Variants in KCNQ2 observed in about 807,000 individuals in gnomAD.
KCNQ2 encodes the protein potassium voltage-gated channel subfamily Q member 2, also known as potassium voltage-gated channel subfamily KQT member 2.
A neutral mutation model predicts 84.8 loss-of-function variants in KCNQ2; 14 were observed. The observed-to-expected ratio is 0.17, with a 90% CI of 0.11 to 0.26. The LOEUF is 0.26. Among genes scored for constraint, KCNQ2 ranks in the 10% least tolerant of loss-of-function variants. The pLI, the probability that KCNQ2 is intolerant of heterozygous loss-of-function variation, is 1.00. For synonymous variants in KCNQ2, 599 were observed against 554.1 expected (o/e 1.08, Z -1.14); for missense variants, 788 against 1,254.0 (o/e 0.63, Z 5.61).
chr20:63,467,634 G>A (rs1255602870), intron 1 of KCNQ2, among the ~76,000 whole-genome samples: 2 of 152,208 alleles, frequency 1.3e-5, no homozygotes, highest in African/African-American at 4.8e-5. Context: ...AGGAGCACAG[G>A]GACTAACGGA....
At chr20:63,428,723 G>A (rs763742989) in intron 9 of KCNQ2, among the ~76,000 whole-genome samples, 27 of 152,232 alleles carry the variant, frequency 1.8e-4, no homozygotes, top group African/African-American at 4.3e-4. Flanking sequence ...ATGCAGCCCC[G>A]ACCCTGCAGC....
At position 63,445,194 on chromosome 20, in the gene KCNQ2, T is replaced by G. The variant is rs776396256; in HGVS notation, c.514+44A>C. ...CCCCAGGGCTGAGTCCGTCCCTGGG[T>G]GCCTGGCCCTGATTCTAGCAATACC... On this transcript the variant is annotated intron_variant, in intron 3 of 16. Transcript: ENST00000359125. 3 of 1,613,332 alleles carry G rather than the reference T, an allele frequency of 1.9e-6. No homozygotes were observed. In the African/African-American group the frequency reaches 4.0e-5, roughly 22 times the overall value.
At chr20:63,442,083 T>C (rs1418952119) in intron 5 of KCNQ2, among the ~76,000 whole-genome samples, 1 of 152,138 alleles carries the variant, frequency 6.6e-6, no homozygotes, top group African/African-American at 2.4e-5. Context: ...TCTTCTCCCC[T>C]TTCCCCCAAT....
chr20:63,408,389 C>A lies in KCNQ2; in HGVS notation c.1887+24G>T, dbSNP rs778381121. The A allele has an allele frequency of 6.2e-6, 10 of 1,604,100 alleles. No individual in the cohort carries two copies. In the South Asian group the frequency reaches 1.1e-4, roughly 18 times the overall value. On this transcript the variant is annotated intron_variant, in intron 16 of 16. Transcript: ENST00000359125. This position sits in a 1 kb window ranked among gnomAD's most constrained non-coding sequence, Gnocchi z 5.0. ...GGCACCACAGCCCTCCAGCCCCGCA[C>A]CCCTCCCGCCCAGCCTCTCGCACCT...
At chr20:63,471,426 CAGGGCTGGGGGTCCCAGGT>C (rs887972113) in intron 1 of KCNQ2, among the ~76,000 whole-genome samples, 7 of 152,242 alleles carry the variant, frequency 4.6e-5, no homozygotes, top group Non-Finnish European at 8.8e-5. Flanking sequence ...CTTCCAGGCC[CAGGGCTGGGGGTCCCAGGT>C]CTGCCGCAGC....
intron 8 of KCNQ2, 138 bp from the exon 9 acceptor site, chr20:63,431,507 G>GGACAGAACCAGCCC: frequency 3.2e-6 from 3 of 950,074 alleles, no homozygotes; most frequent in Non-Finnish European, 5.1e-6. Flanking sequence ...ACAAGGGCTG[G>GGACAGAACCAGCCC]TTCTGTCCCT....
chr20:63,442,003 A>G (rs570405416), intron 5 of KCNQ2, among the ~76,000 whole-genome samples: 2 of 152,122 alleles, frequency 1.3e-5, no homozygotes, highest in Non-Finnish European at 2.9e-5. Context: ...ACCTGATCAG[A>G]GTGGGGCCTG....
chr20:63,427,896 G>A (rs6062448), intron 10 of KCNQ2, among the ~76,000 whole-genome samples: 32,210 of 152,170 alleles, frequency 0.21, 4,116 homozygotes, highest in Non-Finnish European at 0.3. Context: ...GGCAGGCCTG[G>A]CAGGTGCATT....
intron 5 of KCNQ2, among the ~76,000 whole-genome samples, chr20:63,441,419 C>T (rs1208793397): frequency 5.9e-5 from 9 of 152,148 alleles, no homozygotes; most frequent in Non-Finnish European, 1.0e-4. Flanking sequence ...GAGGGCACCG[C>T]GGCCACAGAG....
intron 4 of KCNQ2, among the ~76,000 whole-genome samples, chr20:63,443,367 TCATC>T (rs2081305633): frequency 4.9e-5 from 1 of 20,232 alleles, no homozygotes; most frequent in Non-Finnish European, 1.2e-4. Context: ...ACCATCACCA[TCATC>T]ACCACCATCA....
At position 63,439,625 on chromosome 20, in the gene KCNQ2, G is replaced by C; in HGVS notation, c.900C>G (p.Ile300Met). The change falls in exon 6 of 17, where the codon ATC (isoleucine) becomes ATG (methionine). Residue 300 changes from isoleucine (I) to methionine (M), a missense_variant. Around this residue, in one of 8 missense-constraint regions of KCNQ2, gnomAD observed 18 missense variants for 166.0 expected, o/e 0.11. Transcript: ENST00000359125. ...GRLLAATFTL[I>M]GVSFFALPAG... ...CAGGCAGCGCGAAGAAGGAGACACC[G>C]ATGAGGGTGAAGGTTGCCGCAAGGA... 1 of 1,613,502 alleles carries C rather than the reference G, an allele frequency of 6.2e-7. No individual in the cohort carries two copies. Among genetic ancestry groups the C allele is most frequent in the Non-Finnish European group, 8.5e-7 (1 of 1,179,866 alleles).
intron 1 of KCNQ2, among the ~76,000 whole-genome samples, chr20:63,470,630 C>T (rs190134234): frequency 3.7e-4 from 56 of 152,314 alleles, no homozygotes; most frequent in Non-Finnish European, 6.8e-4. Flanking sequence ...CTGGGTCAGA[C>T]GCAGAGCGGG....
chr20:63,406,420 C>T lies in KCNQ2; in HGVS notation c.*224G>A. ...TGCTCCTGCACGCTGCTCCTGGAGC[C>T]ACAGGGCCCTGCCCAGCCCTCCAGC... is the stretch of plus-strand genomic sequence containing the variant. On this transcript the variant is annotated 3_prime_UTR_variant, in exon 17 of 17. Transcript: ENST00000359125. 1.7e-6 allele frequency: 1 copy of T among 605,574 alleles called. No individual in the cohort carries two copies. Among genetic ancestry groups the T allele is most frequent in the South Asian group, 2.1e-5 (1 of 47,624 alleles). The allele number at this position is 605,574 out of a possible 1,614,324, so 37.5% of individuals were successfully genotyped here. A position where few individuals can be genotyped will look rare whatever the true frequency, so the allele number is the denominator to read the frequency against.
rs747280595 is a variant in KCNQ2 at position 63,400,781 on chromosome 20, G to T, written c.*5863C>A. Reference sequence around the variant, plus strand: ...TCCAGCGGGACCACCAGCTCTGGGCGCCTCAGTGCGAGACCCCTCCGTGAG... The same window carrying T: ...TCCAGCGGGACCACCAGCTCTGGGCTCCTCAGTGCGAGACCCCTCCGTGAG... On this transcript the variant is annotated 3_prime_UTR_variant, in exon 17 of 17. Coordinates refer to ENST00000359125, the MANE Select transcript of KCNQ2 (RefSeq NM_172107.4). The surrounding 1 kb of genome is among the most constrained non-coding windows in gnomAD (Gnocchi z 8.7). 1.0e-5 allele frequency: 4 copies of T among 398,488 alleles called. No homozygotes were observed. Among genetic ancestry groups the T allele is most frequent in the African/African-American group, 2.1e-5 (1 of 48,718 alleles). The allele number at this position is 398,488 out of a possible 1,614,324, so 24.7% of individuals were successfully genotyped here. A position where few individuals can be genotyped will look rare whatever the true frequency, so the allele number is the denominator to read the frequency against.
intron 2 of KCNQ2, among the ~76,000 whole-genome samples, chr20:63,445,954 G>GCCCTGTCTGAGCTGGGGGA (rs1274052087): frequency 0.094 from 782 of 8,338 alleles, 236 homozygotes; most frequent in Non-Finnish European, 0.11. Context: ...GAGCTGGGAG[G>GCCCTGTCTGAGCTGGGGGA]CCCTGTCTGA....
intron 7 of KCNQ2, among the ~76,000 whole-genome samples, chr20:63,435,063 G>A (rs750037686): frequency 3.5e-4 from 53 of 152,102 alleles, no homozygotes; most frequent in Non-Finnish European, 6.5e-4. Context: ...CAGGGGGGGC[G>A]GTGTCCACAC....
intron 2 of KCNQ2, 38 bp from the exon 3 acceptor site, chr20:63,445,402 G>A (rs371581173): frequency 3.4e-5 from 55 of 1,610,022 alleles, no homozygotes; most frequent in Non-Finnish European, 4.4e-5. Context: ...TTGAGGCCTG[G>A]GGGAGGGCCT....
chr20:63,428,254 T>C (rs2080689590), intron 10 of KCNQ2, 113 bp downstream of exon 10: 6 of 796,858 alleles, frequency 7.5e-6, no homozygotes, highest in Non-Finnish European at 1.3e-5. Context: ...TCCCCGCGCG[T>C]CCCAGCTCCC....
Position 63,438,328 on chromosome 20 carries a change from G to A in KCNQ2, c.1023+297C>T. On this transcript the variant is annotated intron_variant, in intron 7 of 16. Transcript: ENST00000359125. The surrounding 1 kb of genome is among the most constrained non-coding windows in gnomAD (Gnocchi z 5.1). ...TTGGCCCTGCAGCTGCAGAACGGGT[G>A]TGCTCACCTCCCAGGGTGCGGTAGA... 1.9e-6 allele frequency: 1 copy of A among 517,598 alleles called. No homozygotes were observed. The highest frequency in any genetic ancestry group is 3.5e-6 in the Non-Finnish European group (1 of 283,186). 32.1% of individuals were successfully genotyped at this position (517,598 alleles called of 1,614,324 possible).
Sources: allele counts gnomAD v4.1 joint callset (sites outside exome capture counted in the v4.1 genomes callset), GRCh38; gene constraint gnomAD v4.1.1; regional missense constraint gnomAD v4.1.1; non-coding constraint Gnocchi (gnomAD v3.1); transcripts MANE v1.5; gene names NCBI Gene and HGNC (gene_info 2026-07-23, HGNC 2026-07-21).